MCC: variants seen among roughly 807,000 people sequenced by gnomAD.
MCC encodes the protein MCC regulator of Wnt signaling pathway.
MCC carries 90 observed loss-of-function variants against 116.2 expected under a neutral mutation model. The ratio of observed to expected loss-of-function variants is 0.77; its 90% CI spans 0.65 to 0.92. The LOEUF is 0.92. Ranked by LOEUF, MCC falls within the 40% of genes least tolerant of loss-of-function variation. MCC has a pLI of 0.00. For missense variants in MCC, 1,516 were observed against 1,312.2 expected (o/e 1.16, Z -2.40); for synonymous variants, 578 against 510.5 (o/e 1.13, Z -1.78).
intron 1 of MCC, among the ~76,000 whole-genome samples, chr5:113,424,471 T>G (rs1254902710): frequency 6.6e-6 from 1 of 152,150 alleles, no homozygotes; most frequent in Non-Finnish European, 1.5e-5. Context: ...TCCCAGCACT[T>G]TGGGAGGCCA....
At chr5:113,192,543 T>C (rs779565221) in intron 3 of MCC, among the ~76,000 whole-genome samples, 4 of 152,252 alleles carry the variant, frequency 2.6e-5, no homozygotes, top group Non-Finnish European at 5.9e-5. Flanking sequence ...CACACATGCA[T>C]GGGCTTTGGA....
intron 3 of MCC, among the ~76,000 whole-genome samples, chr5:113,211,783 A>T (rs915435202): frequency 1.3e-5 from 2 of 152,188 alleles, no homozygotes; most frequent in African/African-American, 4.8e-5. Context: ...AAATAAACAA[A>T]TTGGCTTAGA....
intron 1 of MCC, among the ~76,000 whole-genome samples, chr5:113,401,772 T>C (rs971012729): frequency 9.7e-6 from 1 of 102,600 alleles, no homozygotes; most frequent in Non-Finnish European, 1.9e-5. Context: ...TTCTTATTTA[T>C]ATATATATAT....
chr5:113,078,412 A>C (rs1294721215), intron 11 of MCC, among the ~76,000 whole-genome samples: 1 of 152,240 alleles, frequency 6.6e-6, no homozygotes, highest in Non-Finnish European at 1.5e-5. Flanking sequence ...ACCTCAATAA[A>C]ATACTGGCAA....
intron 5 of MCC, among the ~76,000 whole-genome samples, chr5:113,136,126 A>G (rs141049574): frequency 6.6e-6 from 1 of 152,338 alleles, no homozygotes; most frequent in Non-Finnish European, 1.5e-5. Context: ...AAGCAAGAAT[A>G]TATGCATAGC....
intron 1 of MCC, among the ~76,000 whole-genome samples, chr5:113,477,625 C>A (rs1190557777): frequency 6.6e-6 from 1 of 152,034 alleles, no homozygotes; most frequent in Non-Finnish European, 1.5e-5. Context: ...AGAGAGAGAA[C>A]AAAATTCAGG....
intron 11 of MCC, among the ~76,000 whole-genome samples, chr5:113,073,127 T>C (rs1467994345): frequency 6.6e-6 from 1 of 152,176 alleles, no homozygotes; most frequent in Non-Finnish European, 1.5e-5. Flanking sequence ...GTTAGTGTAT[T>C]TTATGTTTGG....
At chr5:113,391,127 A>G (rs1442191433) in intron 1 of MCC, among the ~76,000 whole-genome samples, 2 of 152,246 alleles carry the variant, frequency 1.3e-5, no homozygotes, top group Admixed American at 1.3e-4. Flanking sequence ...AACAATAAGC[A>G]AATAAGCAAA....
intron 3 of MCC, among the ~76,000 whole-genome samples, chr5:113,227,436 G>C (rs1039385082): frequency 3.3e-5 from 5 of 152,160 alleles, no homozygotes; most frequent in African/African-American, 1.2e-4. Context: ...TCCTGAAGTA[G>C]ACCATAATTT....
intron 3 of MCC, among the ~76,000 whole-genome samples, chr5:113,303,272 A>G (rs570686952): frequency 6.6e-6 from 1 of 152,312 alleles, no homozygotes; most frequent in South Asian, 2.1e-4. Context: ...ATGAGAACAT[A>G]TGAGGTCACC....
rs140641760 is a variant in MCC at position 113,224,181 on chromosome 5, G to A, written c.628-72759C>T. On this transcript the variant is annotated intron_variant, in intron 3 of 18. Coordinates refer to ENST00000408903, the MANE Select transcript of MCC (RefSeq NM_001085377.2). ...GTGATTTCGGCTCACTGCAACCTCC[G>A]CCTCCCAGGTTCAAGTGATTCTCCT... Among the ~76,000 whole-genome samples, 597 of 152,162 alleles carry A rather than the reference G, an allele frequency of 3.9e-3. 5 individuals carry two copies. Among genetic ancestry groups the A allele is most frequent in the African/African-American group, 0.014 (577 of 41,522 alleles).
intron 11 of MCC, among the ~76,000 whole-genome samples, chr5:113,080,709 G>A (rs1199189359): frequency 6.6e-6 from 1 of 151,380 alleles, no homozygotes; most frequent in South Asian, 2.1e-4. Flanking sequence ...TGTAAATGAT[G>A]AGTTGATGGG....
At chr5:113,231,318 T>C (rs910967241) in intron 3 of MCC, among the ~76,000 whole-genome samples, 1 of 152,120 alleles carries the variant, frequency 6.6e-6, no homozygotes, top group Non-Finnish European at 1.5e-5. Flanking sequence ...AATTTAGGAG[T>C]TCAGTTTGTA....
intron 16 of MCC, among the ~76,000 whole-genome samples, chr5:113,045,023 C>T (rs552801364): frequency 2.6e-5 from 4 of 152,298 alleles, no homozygotes; most frequent in African/African-American, 4.8e-5. Context: ...CCACCTGGGC[C>T]GCCTTCCACC....
chr5:113,192,205 C>G (rs1762182956), intron 3 of MCC, among the ~76,000 whole-genome samples: 2 of 152,138 alleles, frequency 1.3e-5, no homozygotes, highest in African/African-American at 4.8e-5. Flanking sequence ...TGAGAGTAAC[C>G]AAAGACAATA....
intron 17 of MCC, among the ~76,000 whole-genome samples, chr5:113,032,409 A>G (rs1466637755): frequency 8.9e-6 from 1 of 111,850 alleles, no homozygotes; most frequent in Non-Finnish European, 1.7e-5. Flanking sequence ...ACTCTGTATC[A>G]AAAAAAAAAA....
chr5:113,474,659 G>C (rs1336726998), intron 1 of MCC, among the ~76,000 whole-genome samples: 1 of 152,194 alleles, frequency 6.6e-6, no homozygotes, highest in Non-Finnish European at 1.5e-5. Context: ...GAGTCCTGGA[G>C]GGGGCAAGCC....
chr5:113,431,039 T>C (rs182149030), intron 1 of MCC, among the ~76,000 whole-genome samples: 6 of 151,136 alleles, frequency 4.0e-5, no homozygotes, highest in African/African-American at 1.2e-4. Context: ...ATGAGGGAAA[T>C]TGAGAGCCCT....
chr5:113,392,968 C>G (rs1226806579), intron 1 of MCC, among the ~76,000 whole-genome samples: 1 of 152,004 alleles, frequency 6.6e-6, no homozygotes, highest in Non-Finnish European at 1.5e-5. Context: ...ATCTCAAAAA[C>G]AGTAGTGAGT....
Sources: gnomAD v4.1 joint callset for allele counts (sites outside exome capture counted in the v4.1 genomes callset) on GRCh38, gnomAD v4.1.1 for gene constraint, MANE v1.5 for transcripts, NCBI Gene and HGNC (gene_info 2026-07-23, HGNC 2026-07-21) for gene names.